The following WNK1 variants were observed in gnomAD, a reference collection of about 807,000 sequenced individuals.
WNK1 encodes serine/threonine-protein kinase WNK1.
In WNK1, 38 loss-of-function variants were observed where a neutral mutation model predicts 222.8. That is an observed-to-expected ratio of 0.17 (90% CI 0.13 to 0.22). The LOEUF (loss-of-function observed/expected upper bound fraction) is 0.22. Ranked by LOEUF, WNK1 falls within the 10% of genes least tolerant of loss-of-function variation. The pLI is 1.00. For synonymous variants in WNK1, 1,090 were observed against 1,092.9 expected, an observed-to-expected ratio of 1.00 and a Z score of 0.05; for missense variants, 2,348 against 2,918.4, an observed-to-expected ratio of 0.80 and a Z score of 4.50.
At chr12:760,984 C>A (rs1482003880) in intron 1 of WNK1, among the ~76,000 whole-genome samples, 1 of 144,404 alleles carries the variant, frequency 6.9e-6, no homozygotes, top group Admixed American at 6.9e-5. Context: ...AGAGTTTCAC[C>A]GTGTTGGACA....
rs1307834864 is a variant in WNK1 at position 885,705 on chromosome 12, A to G, written c.4901A>G (p.His1634Arg). 1 of 1,614,086 alleles carries G rather than the reference A, an allele frequency of 6.2e-7. No homozygotes were observed. The highest frequency in any genetic ancestry group is 8.5e-7 in the Non-Finnish European group (1 of 1,180,016). The change falls in exon 19 of 28, where the codon CAT becomes CGT. Residue 1634 changes from histidine (H) to arginine (R), a missense_variant. Coordinates refer to ENST00000315939, the MANE Select transcript of WNK1 (RefSeq NM_018979.4). ...TTGCTTCCCAACCAGCCCCATACTC[A>G]TTGTCCTGAAGTAGATTCTGATACA... ...PALLPNQPHT[H>R]CPEVDSDTQP...
intron 1 of WNK1, among the ~76,000 whole-genome samples, chr12:810,195 A>T (rs10849562): frequency 2.0e-5 from 3 of 151,616 alleles, no homozygotes; most frequent in African/African-American, 7.3e-5. Flanking sequence ...TGCAGTGAGC[A>T]GAGATTGTGT....
intron 8 of WNK1, among the ~76,000 whole-genome samples, chr12:866,242 A>G (rs960027382): frequency 6.6e-5 from 10 of 152,238 alleles, no homozygotes; most frequent in Non-Finnish European, 1.5e-4. Context: ...ATCCTTATTT[A>G]GCTATTGTGA....
chr12:886,666 G>T (rs977885013), intron 19 of WNK1, among the ~76,000 whole-genome samples: 1 of 152,146 alleles, frequency 6.6e-6, no homozygotes, highest in Non-Finnish European at 1.5e-5. Flanking sequence ...GCTGTGTTAC[G>T]TCTACTGTAT....
chr12:896,543 T>C lies in WNK1; in HGVS notation c.6056T>C (p.Leu2019Ser). ...TCTTCTGACCCGGAGGCCGCTTTTT[T>C]AAGTAGGGATGTGGATGATGGTTCC... is the stretch of plus-strand genomic sequence containing the variant. ...GPSSDPEAAF[L>S]SRDVDDGSGS... The change falls in exon 24 of 28, where the codon TTA becomes TCA. Residue 2019 changes from leucine to serine, a missense_variant. Physicochemically the swap from Leu to Ser is moderately radical, Grantham distance 145. Coordinates refer to ENST00000315939, the MANE Select transcript of WNK1 (RefSeq NM_018979.4). 6.2e-7 allele frequency: 1 copy of C among 1,613,372 alleles called. No homozygotes were observed. The highest frequency in any genetic ancestry group is 1.1e-5 in the South Asian group (1 of 91,016).
intron 1 of WNK1, among the ~76,000 whole-genome samples, chr12:791,409 C>T (rs148339948): frequency 0.013 from 2,010 of 152,000 alleles, 25 homozygotes; most frequent in Non-Finnish European, 0.021. Context: ...TCGTAAAGTG[C>T]GGTTATAAAT....
chr12:859,510 A>G (rs1318390380), intron 6 of WNK1, 46 bp downstream of exon 6: 1 of 1,437,396 alleles, frequency 7.0e-7, no homozygotes, highest in Non-Finnish European at 9.7e-7. Flanking sequence ...ACTTATATAT[A>G]TCAATACTAT....
chr12:871,191 C>A, intron 8 of WNK1, 74 bp from the exon 9 acceptor site: 1 of 1,356,556 alleles, frequency 7.4e-7, no homozygotes, highest in Non-Finnish European at 1.1e-6. Flanking sequence ...ATTAAATATT[C>A]ATTGCAAAAG....
At chr12:797,578 T>G (rs1945434883) in intron 1 of WNK1, among the ~76,000 whole-genome samples, 1 of 152,186 alleles carries the variant, frequency 6.6e-6, no homozygotes, top group Admixed American at 6.5e-5. Context: ...ATACTTTTAT[T>G]TATTATTGCA....
At chr12:756,467 T>C (rs554466442) in intron 1 of WNK1, among the ~76,000 whole-genome samples, 91 of 152,328 alleles carry the variant, frequency 6.0e-4, no homozygotes, top group Non-Finnish European at 1.1e-3. Context: ...CTAAAGAAAA[T>C]CTTACATCGC....
At chr12:810,571 A>G (rs1946816586) in intron 1 of WNK1, among the ~76,000 whole-genome samples, 1 of 152,046 alleles carries the variant, frequency 6.6e-6, no homozygotes, top group African/African-American at 2.4e-5. Context: ...CTGCTCCATT[A>G]GCACAATTGG....
chr12:891,021 G>A (rs1185019202), intron 22 of WNK1, among the ~76,000 whole-genome samples: 1 of 152,048 alleles, frequency 6.6e-6, no homozygotes, highest in African/African-American at 2.4e-5. Context: ...AAAGGGGAAT[G>A]TAGATTATCA....
rs1953536803 is a variant in WNK1 at position 885,154 on chromosome 12, A to G, written c.4350A>G (p.Ser1450=). The change falls in exon 19 of 28, where the codon TCA becomes TCG. Residue 1450 remains serine (S), a synonymous_variant. Coordinates refer to ENST00000315939, the MANE Select transcript of WNK1 (RefSeq NM_018979.4). ...IVVSSTALYP[S]VTVSATSASA... The stretch of plus-strand genomic sequence containing the variant: ...TTTCTAGTACAGCACTGTATCCTTC[A>G]GTAACAGTTTCAGCAACTTCAGCCT... The G allele has an allele frequency of 6.2e-7, 1 of 1,614,012 alleles. No homozygotes were observed. Among genetic ancestry groups the G allele is most frequent in the Non-Finnish European group, 8.5e-7 (1 of 1,180,002 alleles).
Position 894,650 on chromosome 12 carries a change from T to C in WNK1, c.5583+15T>C, listed in dbSNP as rs1293021058. On this transcript the variant is annotated intron_variant, in intron 23 of 27. Coordinates refer to ENST00000315939, the MANE Select transcript of WNK1 (RefSeq NM_018979.4). ...GACGATTTCAGGTAAGACAGTCACT[T>C]TGTGTTGCCTTGATTCCTTCCTTTG... 1 of 1,611,332 alleles carries C rather than the reference T, an allele frequency of 6.2e-7. No individual in the cohort carries two copies. The highest frequency in any genetic ancestry group is 2.2e-5 in the East Asian group (1 of 44,834).
At chr12:801,087 C>T (rs1293366017) in intron 1 of WNK1, among the ~76,000 whole-genome samples, 1 of 152,194 alleles carries the variant, frequency 6.6e-6, no homozygotes, top group Admixed American at 6.5e-5. Context: ...CTGCTGATGG[C>T]TCCTCTCTCA....
intron 14 of WNK1, among the ~76,000 whole-genome samples, chr12:882,658 T>C (rs1325359462): frequency 2.6e-5 from 4 of 152,240 alleles, no homozygotes; most frequent in African/African-American, 9.6e-5. Flanking sequence ...TAGGATCTTA[T>C]AATTAGCCAA....
At chr12:883,371 A>T in intron 15 of WNK1, 24 bp from the exon 16 acceptor site, 5 of 1,613,768 alleles carry the variant, frequency 3.1e-6, no homozygotes, top group Admixed American at 1.7e-5. Context: ...CACTAATTAG[A>T]CTGACATCAC....
intron 4 of WNK1, among the ~76,000 whole-genome samples, chr12:856,651 T>C (rs1418315462): frequency 6.6e-6 from 1 of 152,194 alleles, no homozygotes; most frequent in Non-Finnish European, 1.5e-5. Flanking sequence ...CAATTTGCTC[T>C]TCAGTTATCA....
At chr12:889,916 A>T (rs2154089593) in intron 21 of WNK1, among the ~76,000 whole-genome samples, 1 of 152,146 alleles carries the variant, frequency 6.6e-6, no homozygotes, top group South Asian at 2.1e-4. Flanking sequence ...AGCAATCAAG[A>T]ATTAAGAGTA....
Sources: allele counts gnomAD v4.1 joint callset (sites outside exome capture counted in the v4.1 genomes callset), GRCh38; gene constraint gnomAD v4.1.1; transcripts MANE v1.5; gene names NCBI Gene and HGNC (gene_info 2026-07-23, HGNC 2026-07-21).